PPHLN1: variants seen among roughly 807,000 people sequenced by gnomAD.
PPHLN1 encodes periphilin 1.
In PPHLN1, 29 loss-of-function variants were observed where a neutral mutation model predicts 51.3. The ratio of observed to expected loss-of-function variants is 0.57; its 90% confidence interval spans 0.42 to 0.77. The LOEUF (loss-of-function observed/expected upper bound fraction) is 0.77. Ranked by LOEUF, PPHLN1 falls within the 30% of genes least tolerant of loss-of-function variation. PPHLN1 has a pLI of 0.00. For synonymous variants in PPHLN1, 147 were observed against 147.8 expected, an observed-to-expected ratio of 0.99 and a Z score of 0.04; for missense variants, 436 against 438.4, an observed-to-expected ratio of 0.99 and a Z score of 0.05.
chr12:42,406,469 G>T (rs1796365), intron 9 of PPHLN1, among the ~76,000 whole-genome samples: 1 of 151,956 alleles, frequency 6.6e-6, no homozygotes, highest in Non-Finnish European at 1.5e-5. Flanking sequence ...TATGAGATTC[G>T]TTGATGTTGT....
chr12:42,358,955 T>A (rs2138387282), intron 4 of PPHLN1, among the ~76,000 whole-genome samples: 1 of 152,348 alleles, frequency 6.6e-6, no homozygotes, highest in South Asian at 2.1e-4. Flanking sequence ...TTAACATGTG[T>A]GTTTAATTTT....
intron 9 of PPHLN1, among the ~76,000 whole-genome samples, chr12:42,401,032 G>A (rs2078797206): frequency 6.6e-6 from 1 of 151,994 alleles, no homozygotes. Context: ...ACAATTCTGG[G>A]AGGTTTTTGG....
chr12:42,418,449 T>C (rs1171417643), intron 9 of PPHLN1, among the ~76,000 whole-genome samples: 1 of 152,144 alleles, frequency 6.6e-6, no homozygotes, highest in Non-Finnish European at 1.5e-5. Flanking sequence ...TTTCCCATTA[T>C]ACTTAGAATA....
At chr12:42,439,864 C>CT (rs796115378) in intron 9 of PPHLN1, among the ~76,000 whole-genome samples, 6 of 152,004 alleles carry the variant, frequency 3.9e-5, no homozygotes, top group Non-Finnish European at 8.8e-5. Flanking sequence ...GACTTTTTTC[C>CT]TTTTTTTCTT....
chr12:42,349,906 CAGTG>C (rs954464575), intron 2 of PPHLN1, among the ~76,000 whole-genome samples: 1 of 152,202 alleles, frequency 6.6e-6, no homozygotes, highest in Non-Finnish European at 1.5e-5. Context: ...GGCCCGTCCT[CAGTG>C]AGCTGTTGGG....
intron 4 of PPHLN1, among the ~76,000 whole-genome samples, chr12:42,366,496 G>A (rs1289533284): frequency 6.6e-6 from 1 of 151,840 alleles, no homozygotes; most frequent in Non-Finnish European, 1.5e-5. Flanking sequence ...CAAAGTGCTG[G>A]GATTACAGGT....
At chr12:42,415,536 C>G (rs1429290251) in intron 9 of PPHLN1, among the ~76,000 whole-genome samples, 1 of 152,194 alleles carries the variant, frequency 6.6e-6, no homozygotes, top group Non-Finnish European at 1.5e-5. Context: ...TCACAGAGAT[C>G]CTAGCTTTAT....
intron 8 of PPHLN1, among the ~76,000 whole-genome samples, chr12:42,398,265 T>G (rs1243040669): frequency 1.3e-5 from 2 of 152,240 alleles, no homozygotes; most frequent in Non-Finnish European, 2.9e-5. Flanking sequence ...GTTTTCTTTT[T>G]AATGATTTCA....
intron 5 of PPHLN1, among the ~76,000 whole-genome samples, chr12:42,383,908 CG>C (rs1375572119): frequency 2.6e-4 from 35 of 136,958 alleles, no homozygotes; most frequent in Non-Finnish European, 3.1e-5. Flanking sequence ...TGCTTGAACC[CG>C]GGGGGCGGAG....
At chr12:42,439,324 T>C (rs570231801) in intron 9 of PPHLN1, among the ~76,000 whole-genome samples, 5 of 152,256 alleles carry the variant, frequency 3.3e-5, no homozygotes, top group Admixed American at 1.3e-4. Context: ...TGAACGTAAC[T>C]GTCAAGTTGA....
At chr12:42,350,829 C>G (rs889851643) in intron 2 of PPHLN1, among the ~76,000 whole-genome samples, 1 of 151,944 alleles carries the variant, frequency 6.6e-6, no homozygotes, top group African/African-American at 2.4e-5. Context: ...TCAGGCATGG[C>G]GGCGCGCGCC....
chr12:42,402,571 T>C lies in PPHLN1; in HGVS notation c.909+3577T>C, dbSNP rs539106055. On this transcript the variant is annotated intron_variant, in intron 9 of 9. Transcript: ENST00000358314. ...GTTGGGCTGAATAATCTTAGGTCTC[T>C]TCCTGATCTAAATCATACTGAAAAT... Among the ~76,000 whole-genome samples, 4 of 152,356 alleles carry C rather than the reference T, an allele frequency of 2.6e-5. No individual in the cohort carries two copies. The East Asian group carries it at 5.8e-4, about 22-fold the overall frequency.
intron 9 of PPHLN1, among the ~76,000 whole-genome samples, chr12:42,413,526 ATGTGTGTGTGTG>A (rs71084648): frequency 0.25 from 34,015 of 136,536 alleles, 4,875 homozygotes; most frequent in Non-Finnish European, 0.33. Flanking sequence ...ATATATGTAT[ATGTGTGTGTGTG>A]TGTGTGTGTG....
chr12:42,424,126 G>T (rs1372483848), intron 9 of PPHLN1, among the ~76,000 whole-genome samples: 2 of 152,214 alleles, frequency 1.3e-5, no homozygotes, highest in East Asian at 3.8e-4. Flanking sequence ...CTGATAGGCA[G>T]ATAGGCTGCA....
At chr12:42,356,966 G>A (rs1205179538) in intron 4 of PPHLN1, among the ~76,000 whole-genome samples, 1 of 152,140 alleles carries the variant, frequency 6.6e-6, no homozygotes, top group Non-Finnish European at 1.5e-5. Context: ...TATGAAATTA[G>A]CAAGGTCCAA....
intron 4 of PPHLN1, chr12:42,374,589 T>G (rs1375030854): frequency 3.7e-6 from 1 of 273,014 alleles, no homozygotes; most frequent in African/African-American, 2.3e-5. Context: ...TACAGGCACC[T>G]GCCACCACGC....
chr12:42,438,523 A>G (rs564987701), intron 9 of PPHLN1, among the ~76,000 whole-genome samples: 8 of 152,294 alleles, frequency 5.3e-5, no homozygotes, highest in African/African-American at 1.7e-4. Context: ...TGCCATCTGA[A>G]TGTCTGCTTT....
At chr12:42,347,621 A>C (rs1231827315) in intron 2 of PPHLN1, among the ~76,000 whole-genome samples, 1 of 152,178 alleles carries the variant, frequency 6.6e-6, no homozygotes, top group Non-Finnish European at 1.5e-5. Flanking sequence ...CTCTACTAAA[A>C]ATACAAAAAT....
At chr12:42,327,003 A>C (rs781083456) in intron 1 of PPHLN1, among the ~76,000 whole-genome samples, 2 of 152,168 alleles carry the variant, frequency 1.3e-5, no homozygotes, top group African/African-American at 4.8e-5. Flanking sequence ...CTGAATTTTG[A>C]GAGGCCTGAA....
Sources: allele counts gnomAD v4.1 joint callset (sites outside exome capture counted in the v4.1 genomes callset), GRCh38; gene constraint gnomAD v4.1.1; transcripts MANE v1.5; gene names NCBI Gene and HGNC (gene_info 2026-07-23, HGNC 2026-07-21).